The following CNNM4 variants were observed in gnomAD, a reference collection of about 807,000 sequenced individuals.
The protein encoded by CNNM4 is metal transporter CNNM4.
Under a neutral mutation model 53.7 loss-of-function variants are expected in CNNM4, and 32 were observed. That is an observed-to-expected ratio of 0.60 (90% confidence interval 0.45 to 0.80). The LOEUF (loss-of-function observed/expected upper bound fraction) is 0.80, where lower values mean the gene tolerates loss of function less well. CNNM4 is among the 30% of genes least tolerant of loss of function. The pLI, the probability that CNNM4 is intolerant of heterozygous loss-of-function variation, is 0.00. For synonymous variants in CNNM4, 410 were observed against 440.0 expected (o/e 0.93, Z 0.85); for missense variants, 784 against 1,022.0 (o/e 0.77, Z 3.17).
At chr2:96,768,138 A>G (rs2078834956) in intron 1 of CNNM4, among the ~76,000 whole-genome samples, 1 of 152,200 alleles carries the variant, frequency 6.6e-6, no homozygotes, top group Admixed American at 6.5e-5. Flanking sequence ...AGATTTTCCC[A>G]CTGACTTAAT....
intron 1 of CNNM4, among the ~76,000 whole-genome samples, chr2:96,772,966 T>TGCACACACACACACTC (rs1379788652): frequency 1.4e-5 from 2 of 147,224 alleles, no homozygotes; most frequent in Non-Finnish European, 3.0e-5. Context: ...CTCACACACT[T>TGCACACACACACACTC]GCACACACAC....
Position 96,761,141 on chromosome 2 carries a change from G to C in CNNM4, c.142G>C (p.Gly48Arg). Residue 48 changes from glycine to arginine, a missense_variant, in exon 1 of 7, where the codon GGC becomes CGC. Transcript: ENST00000377075. The surrounding 1 kb of genome is among the most constrained non-coding windows in gnomAD (Gnocchi z 6.0). The stretch of plus-strand genomic sequence containing the variant: ...CAGCCCCCAGCAGGGCACGATCGTG[G>C]GCATGAGGCTGGCGAGCTGCAACAA... ...QGSPQQGTIV[G>R]MRLASCNKSC... 6.2e-7 allele frequency: 1 copy of C among 1,603,952 alleles called. No individual in the cohort carries two copies. The highest frequency in any genetic ancestry group is 8.5e-7 in the Non-Finnish European group (1 of 1,173,180).
chr2:96,780,692 G>C (rs2078966658), intron 1 of CNNM4, among the ~76,000 whole-genome samples: 1 of 151,876 alleles, frequency 6.6e-6, no homozygotes, highest in African/African-American at 2.4e-5. Flanking sequence ...TGTTTTGTTT[G>C]TTTTGTTTTT....
chr2:96,792,804 A>G (rs1346685180), intron 1 of CNNM4, among the ~76,000 whole-genome samples: 1 of 150,648 alleles, frequency 6.6e-6, no homozygotes, highest in Non-Finnish European at 1.5e-5. Flanking sequence ...CTACATCTCA[A>G]AAAAAAAAGA....
chr2:96,800,980 C>A lies in CNNM4; in HGVS notation c.1948+1332C>A. The A allele has an allele frequency of 2.1e-6, 1 of 470,722 alleles. No individual in the cohort carries two copies. Among genetic ancestry groups the A allele is most frequent in the Non-Finnish European group, 2.8e-6 (1 of 359,734 alleles). The allele number at this position is 470,722 out of a possible 1,614,324, so 29.2% of individuals were successfully genotyped here. On this transcript the variant is annotated intron_variant, in intron 5 of 6. Coordinates refer to ENST00000377075, the MANE Select transcript of CNNM4 (RefSeq NM_020184.4). This position sits in a 1 kb window ranked among gnomAD's most constrained non-coding sequence, Gnocchi z 4.6. The stretch of plus-strand genomic sequence containing the variant: ...TGGGCCCATCTCTGCCCAAAGCAGC[C>A]TGGCCCCGTCAGGTCTGCCTCTGTC...
At chr2:96,776,279 C>T (rs766789655) in intron 1 of CNNM4, among the ~76,000 whole-genome samples, 36 of 151,942 alleles carry the variant, frequency 2.4e-4, no homozygotes, top group Admixed American at 3.9e-4. Context: ...CCACCTGCCT[C>T]GGCCTCCGAA....
intron 1 of CNNM4, among the ~76,000 whole-genome samples, chr2:96,773,273 C>A (rs2078895157): frequency 6.6e-6 from 1 of 152,182 alleles, no homozygotes; most frequent in South Asian, 2.1e-4. Flanking sequence ...AAGACTGTGT[C>A]CCCCTCAGAC....
intron 5 of CNNM4, among the ~76,000 whole-genome samples, chr2:96,804,600 A>G (rs1004800124): frequency 6.6e-6 from 1 of 151,824 alleles, no homozygotes; most frequent in East Asian, 2.0e-4. Flanking sequence ...ACGGAGTTTC[A>G]CCATGTTGGC....
intron 1 of CNNM4, among the ~76,000 whole-genome samples, chr2:96,763,539 G>C (rs537717936): frequency 7.3e-4 from 111 of 152,316 alleles, no homozygotes; most frequent in African/African-American, 2.6e-3. Flanking sequence ...CCATAGGAGA[G>C]CTCCTACTGG....
intron 5 of CNNM4, among the ~76,000 whole-genome samples, chr2:96,803,484 G>A (rs1434419029): frequency 1.3e-5 from 2 of 152,102 alleles, no homozygotes; most frequent in Non-Finnish European, 2.9e-5. Flanking sequence ...CAACACTTTG[G>A]GAGGCCGAGG....
intron 1 of CNNM4, among the ~76,000 whole-genome samples, chr2:96,780,918 T>G (rs2078969042): frequency 6.7e-6 from 1 of 150,136 alleles, no homozygotes; most frequent in South Asian, 2.1e-4. Context: ...TTTTTTTTTT[T>G]GTATTTTTAG....
intron 1 of CNNM4, 32 bp downstream of exon 1, chr2:96,762,433 T>C (rs1423173773): frequency 1.3e-6 from 2 of 1,598,174 alleles, no homozygotes; most frequent in Non-Finnish European, 8.6e-7. Context: ...CTGGTTCAAT[T>C]TCCTCTTGAC....
In CNNM4 at chr2:96,801,935, ACACACACCCATAGG is replaced by A. The variant is rs950888233; in HGVS notation, c.1948+2309_1948+2322del. ...AGATACACCACTCATAGACACACAA[ACACACACCCATAGG>A]CACACACCCATAGGCACACACACAA... On this transcript the variant is annotated intron_variant, in intron 5 of 6. Transcript: ENST00000377075. The surrounding 1 kb of genome is among the most constrained non-coding windows in gnomAD (Gnocchi z 5.6). Among the ~76,000 whole-genome samples the A allele has an allele frequency of 1.5e-4, 22 of 151,310 alleles. No individual in the cohort carries two copies. Among genetic ancestry groups the A allele is most frequent in the Admixed American group, 1.3e-3 (19 of 15,188 alleles).
At position 96,797,633 on chromosome 2, in the gene CNNM4, G is replaced by A. The variant is rs1421613481; in HGVS notation, c.1667G>A (p.Arg556His). 8 of 1,613,848 alleles carry A rather than the reference G, an allele frequency of 5.0e-6. No homozygotes were observed. Among genetic ancestry groups the A allele is most frequent in the East Asian group, 4.5e-5 (2 of 44,886 alleles). The change falls in exon 3 of 7, where the codon CGC becomes CAC. Residue 556 changes from arginine (R) to histidine (H), a missense_variant. Physicochemically the swap from Arg to His is conservative, Grantham distance 29. Around this residue, in one of 3 missense-constraint regions of CNNM4, gnomAD observed 307 missense variants for 376.3 expected, o/e 0.82. Coordinates refer to ENST00000377075, the MANE Select transcript of CNNM4 (RefSeq NM_020184.4). This position sits in a 1 kb window ranked among gnomAD's most constrained non-coding sequence, Gnocchi z 6.0. ...CCGCAGCTCCTCCTGGCCGCTCATC[G>A]CTTCCTAGCCACAGGTAGCATGAGG... Reference protein sequence around the residue: ...ISPQLLLAAHRFLATEVSQFS... With the variant: ...ISPQLLLAAHHFLATEVSQFS...
chr2:96,781,275 G>A (rs747432706), intron 1 of CNNM4, among the ~76,000 whole-genome samples: 4 of 151,688 alleles, frequency 2.6e-5, no homozygotes, highest in African/African-American at 7.3e-5. Flanking sequence ...CACCGTGCCC[G>A]GCCTGATCTC....
At chr2:96,780,405 C>CCCACTTG (rs1173259805) in intron 1 of CNNM4, among the ~76,000 whole-genome samples, 1 of 151,782 alleles carries the variant, frequency 6.6e-6, no homozygotes, top group Non-Finnish European at 1.5e-5. Flanking sequence ...CCCAAGACTG[C>CCCACTTG]CCACTTGCTC....
chr2:96,782,738 G>T (rs936502343), intron 1 of CNNM4, among the ~76,000 whole-genome samples: 1 of 152,106 alleles, frequency 6.6e-6, no homozygotes, highest in Non-Finnish European at 1.5e-5. Flanking sequence ...AACCAACTGG[G>T]GTTTACTAAG....
At position 96,761,512 on chromosome 2, in the gene CNNM4, C is replaced by A; in HGVS notation, c.513C>A (p.Phe171Leu). 3 of 1,614,130 alleles carry A rather than the reference C, an allele frequency of 1.9e-6. No individual in the cohort carries two copies. Among genetic ancestry groups the A allele is most frequent in the Non-Finnish European group, 2.5e-6 (3 of 1,179,976 alleles). Reference protein sequence around the residue: ...LKWTDKDSLLFMVEEPGRFLP... With the variant: ...LKWTDKDSLLLMVEEPGRFLP... The stretch of plus-strand genomic sequence containing the variant: ...GGACGGACAAGGACTCACTGCTCTT[C>A]ATGGTGGAGGAGCCTGGGAGGTTCC... Residue 171 changes from phenylalanine (F) to leucine (L), a missense_variant, in exon 1 of 7, where the codon TTC becomes TTA. Around this residue, in one of 3 missense-constraint regions of CNNM4, gnomAD observed 473 missense variants for 624.6 expected, o/e 0.76. Transcript: ENST00000377075. This position sits in a 1 kb window ranked among gnomAD's most constrained non-coding sequence, Gnocchi z 6.0.
Position 96,769,734 on chromosome 2 carries a change from G to A in CNNM4, c.1402+7333G>A, listed in dbSNP as rs538459737. 6.8e-4 allele frequency among the ~76,000 whole-genome samples: 103 copies of A among 152,128 alleles called. 1 individual carries two copies. The highest frequency in any genetic ancestry group is 2.4e-3 in the African/African-American group (100 of 41,392). ...ATGGGGTGAAGACCATGCACAGACT[G>A]TGGGATGGGACCTTAGGCTGTGGGG... On this transcript the variant is annotated intron_variant, in intron 1 of 6. Transcript: ENST00000377075.
Sources: allele counts gnomAD v4.1 joint callset (sites outside exome capture counted in the v4.1 genomes callset), GRCh38; gene constraint gnomAD v4.1.1; regional missense constraint gnomAD v4.1.1; non-coding constraint Gnocchi (gnomAD v3.1); transcripts MANE v1.5; gene names NCBI Gene and HGNC (gene_info 2026-07-23, HGNC 2026-07-21).